SSH1: variants seen among roughly 807,000 people sequenced by gnomAD.
The protein encoded by SSH1 is slingshot protein phosphatase 1, also known as protein phosphatase Slingshot homolog 1.
A neutral mutation model predicts 79.7 loss-of-function variants in SSH1; 43 were observed. The ratio of observed to expected loss-of-function variants is 0.54; its 90% CI spans 0.42 to 0.70. The LOEUF is 0.70. SSH1 is among the 30% of genes least tolerant of loss of function. The pLI is 0.00. For synonymous variants in SSH1, 599 were observed against 538.3 expected (o/e 1.11, Z -1.56); for missense variants, 1,206 against 1,358.8 (o/e 0.89, Z 1.77).
At chr12:108,836,628 A>C (rs1236684037) in intron 2 of SSH1, among the ~76,000 whole-genome samples, 1 of 152,230 alleles carries the variant, frequency 6.6e-6, no homozygotes, top group Non-Finnish European at 1.5e-5. Context: ...ATTGAAACGG[A>C]CATTGATGGC....
rs1299513426 is a variant in SSH1 at position 108,788,043 on chromosome 12, G to C, written c.3095C>G (p.Ser1032Ter). 2 of 1,614,152 alleles carry C rather than the reference G, an allele frequency of 1.2e-6. No homozygotes were observed. The highest frequency in any genetic ancestry group is 1.7e-6 in the Non-Finnish European group (2 of 1,180,012). ...PRDPAATSKP[S>*]GKPAPENLKS... is the part of the protein sequence containing the mutation. Reference sequence around the variant, plus strand: ...TAAGTTTTCTGGGGCGGGTTTCCCTGATGGTTTGGAGGTTGCAGCTGGGTC... The same window carrying C: ...TAAGTTTTCTGGGGCGGGTTTCCCTCATGGTTTGGAGGTTGCAGCTGGGTC... The change falls in exon 15 of 15, where the codon TCA (serine) becomes TGA (stop). Residue 1032 changes from serine (S) to a stop codon, truncating the protein, a stop_gained. Coordinates refer to ENST00000326495, the MANE Select transcript of SSH1 (RefSeq NM_018984.4). LOFTEE classifies it high-confidence loss of function.
rs1016569586 is a variant in SSH1, at chr12:108,818,365, A to G, written c.215-52T>C. ...AAAGGTCTCTTACCTACTCTCTAGG[A>G]AAAAAAACCTCTGAAAGGCTGACTT... On this transcript the variant is annotated intron_variant, in intron 3 of 14. Coordinates refer to ENST00000326495, the MANE Select transcript of SSH1 (RefSeq NM_018984.4). 7 of 1,532,782 alleles carry G rather than the reference A, an allele frequency of 4.6e-6. No homozygotes were observed. The African/African-American group carries it at 6.8e-5, about 15-fold the overall frequency. 94.9% of individuals were successfully genotyped at this position (1,532,782 alleles called of 1,614,324 possible).
chr12:108,857,366 C>A lies in SSH1; in HGVS notation c.69+62G>T. 1.1e-6 allele frequency: 1 copy of A among 947,910 alleles called. No individual in the cohort carries two copies. Among genetic ancestry groups the A allele is most frequent in the Non-Finnish European group, 1.3e-6 (1 of 796,850 alleles). The allele number at this position is 947,910 out of a possible 1,614,324, so 58.7% of individuals were successfully genotyped here. A position where few individuals can be genotyped will look rare whatever the true frequency, so the allele number is the denominator to read the frequency against. The stretch of plus-strand genomic sequence containing the variant: ...CCCTGCCCCGCACGCGCGGCCCCAG[C>A]TCCGGCGGCCTCGGCGCGGCGTCCG... On this transcript the variant is annotated intron_variant, in intron 1 of 14. Transcript: ENST00000326495. The surrounding 1 kb of genome is among the most constrained non-coding windows in gnomAD (Gnocchi z 4.7).
In SSH1 at chr12:108,837,462, G is replaced by T. The variant is rs113648355; in HGVS notation, c.111-14101C>A. Among the ~76,000 whole-genome samples, 913 of 152,322 alleles carry T rather than the reference G, an allele frequency of 6.0e-3. 2 individuals carry two copies. Among genetic ancestry groups the T allele is most frequent in the Non-Finnish European group, 0.011 (731 of 68,026 alleles). ...GTCAGTGTCCCGCGTGGATGGCTGT[G>T]TTGCGGTTCTGTGGGAGAATGCCCT... On this transcript the variant is annotated intron_variant, in intron 2 of 14. Transcript: ENST00000326495.
At chr12:108,845,648 T>C (rs2038883317) in intron 2 of SSH1, among the ~76,000 whole-genome samples, 1 of 152,188 alleles carries the variant, frequency 6.6e-6, no homozygotes, top group South Asian at 2.1e-4. Flanking sequence ...GATTGCGCCA[T>C]TGCACTCTAG....
chr12:108,780,227 C>T lies in SSH1; in HGVS notation c.*7761G>A, dbSNP rs117827979. ...TTTGGAGCCTCTCCCGAACATCTTG[C>T]CAAGAGGGGGTTCCCCAGGCATAAA... On this transcript the variant is annotated 3_prime_UTR_variant, in exon 15 of 15. Coordinates refer to ENST00000326495, the MANE Select transcript of SSH1 (RefSeq NM_018984.4). 3 of 152,278 alleles carry T rather than the reference C, an allele frequency of 2.0e-5. No individual in the cohort carries two copies. Among genetic ancestry groups the T allele is most frequent in the Non-Finnish European group, 4.4e-5 (3 of 68,050 alleles). The allele number at this position is 152,278 out of a possible 1,614,324, so 9.4% of individuals were successfully genotyped here.
chr12:108,843,188 A>G (rs1051599236), intron 2 of SSH1, among the ~76,000 whole-genome samples: 1 of 152,164 alleles, frequency 6.6e-6, no homozygotes, highest in Non-Finnish European at 1.5e-5. Flanking sequence ...ATAGCTCACA[A>G]GCAGACAGAT....
At chr12:108,837,956 A>G (rs1190636474) in intron 2 of SSH1, among the ~76,000 whole-genome samples, 1 of 151,734 alleles carries the variant, frequency 6.6e-6, no homozygotes, top group East Asian at 1.9e-4. Context: ...CTAATTTTTT[A>G]ATTTTTTTGT....
intron 2 of SSH1, among the ~76,000 whole-genome samples, chr12:108,846,643 C>T (rs937482714): frequency 1.3e-5 from 2 of 152,250 alleles, no homozygotes; most frequent in Non-Finnish European, 2.9e-5. Context: ...TTCAGAAATA[C>T]TGTCTGAGTT....
intron 2 of SSH1, among the ~76,000 whole-genome samples, chr12:108,843,726 G>T (rs2038832239): frequency 6.6e-6 from 1 of 152,084 alleles, no homozygotes. Context: ...GCAGAGACAG[G>T]GTTTCACCAT....
intron 11 of SSH1, among the ~76,000 whole-genome samples, chr12:108,801,635 A>T (rs2037010535): frequency 6.6e-6 from 1 of 151,864 alleles, no homozygotes; most frequent in South Asian, 2.1e-4. Context: ...AGTTCTAAAG[A>T]TGTATTTTAA....
intron 2 of SSH1, among the ~76,000 whole-genome samples, chr12:108,829,154 C>T (rs2038410569): frequency 6.6e-6 from 1 of 152,022 alleles, no homozygotes; most frequent in Non-Finnish European, 1.5e-5. Context: ...ATGGCAAAAC[C>T]CTGTCTCTAC....
In SSH1 at chr12:108,788,204, A is replaced by G. The variant is rs1309664244; in HGVS notation, c.2934T>C (p.Ser978=). 2 of 1,614,002 alleles carry G rather than the reference A, an allele frequency of 1.2e-6. No homozygotes were observed. Among genetic ancestry groups the G allele is most frequent in the South Asian group, 2.2e-5 (2 of 91,072 alleles). The change falls in exon 15 of 15, where the codon TCT becomes TCC. Residue 978 remains serine (S), a synonymous_variant. Transcript: ENST00000326495. ...TVSSPLKRSH[S]LAKLGSLTFS... ...AGGTGAGACTCCCCAGCTTGGCAAG[A>G]GAGTGTGAGCGCTTCAGTGGGGAAG...
rs781650687 is a variant in SSH1 at position 108,789,048 on chromosome 12, C to G, written c.2090G>C (p.Arg697Thr). ...TSSPVAHLASRSRVPEKPASG... is the reference protein window; with the variant it reads ...TSSPVAHLASTSRVPEKPASG... ...GGCTGGCTTCTCCGGAACACGGGAC[C>G]TGCTGGCCAAGTGGGCCACAGGGGA... The change falls in exon 15 of 15, where the codon AGG becomes ACG. Residue 697 changes from arginine (R) to threonine (T), a missense_variant. By Grantham distance (71) the Arg-to-Thr change is moderately conservative. Coordinates refer to ENST00000326495, the MANE Select transcript of SSH1 (RefSeq NM_018984.4). 6.2e-7 allele frequency: 1 copy of G among 1,609,646 alleles called. No individual in the cohort carries two copies. The highest frequency in any genetic ancestry group is 8.5e-7 in the Non-Finnish European group (1 of 1,176,786).
chr12:108,849,110 T>C (rs1192329713), intron 2 of SSH1, among the ~76,000 whole-genome samples: 1 of 151,974 alleles, frequency 6.6e-6, no homozygotes, highest in Non-Finnish European at 1.5e-5. Flanking sequence ...ATTTCCCAAT[T>C]CCAATCTTGG....
chr12:108,809,995 A>G (rs1308056298), intron 6 of SSH1, among the ~76,000 whole-genome samples: 5 of 152,024 alleles, frequency 3.3e-5, no homozygotes, highest in Non-Finnish European at 7.4e-5. Context: ...GTTCCACCAA[A>G]AACTGAAACC....
intron 5 of SSH1, chr12:108,811,700 C>T (rs914899157): frequency 4.0e-5 from 14 of 354,302 alleles, no homozygotes; most frequent in South Asian, 9.9e-5. Context: ...GCAGGGGGAG[C>T]GTGCTCACAC....
intron 4 of SSH1, 55 bp downstream of exon 4, chr12:108,818,194 A>AT (rs2037976374): frequency 7.0e-7 from 1 of 1,436,696 alleles, no homozygotes; most frequent in African/African-American, 1.4e-5. Context: ...CAAGACCCTC[A>AT]TCTCACAAAA....
Position 108,807,921 on chromosome 12 carries a change from G to T in SSH1, c.537-94C>A. The stretch of plus-strand genomic sequence containing the variant: ...AAGGGGTTCAAATACGGGAAGGGAA[G>T]GGCAATGATTGATTGGTTGATTATT... On this transcript the variant is annotated intron_variant, in intron 7 of 14. Coordinates refer to ENST00000326495, the MANE Select transcript of SSH1 (RefSeq NM_018984.4). This position sits in a 1 kb window ranked among gnomAD's most constrained non-coding sequence, Gnocchi z 5.2. The T allele has an allele frequency of 9.0e-7, 1 of 1,107,958 alleles. No homozygotes were observed. The allele number at this position is 1,107,958 out of a possible 1,614,324, so 68.6% of individuals were successfully genotyped here.
Sources: gnomAD v4.1 joint callset for allele counts (sites outside exome capture counted in the v4.1 genomes callset) on GRCh38, gnomAD v4.1.1 for gene constraint, Gnocchi (gnomAD v3.1) non-coding constraint, MANE v1.5 for transcripts, NCBI Gene and HGNC (gene_info 2026-07-23, HGNC 2026-07-21) for gene names.